The following ASXL3 variants were observed in gnomAD, a reference collection of about 807,000 sequenced individuals.
The protein encoded by ASXL3 is putative Polycomb group protein ASXL3.
Under a neutral mutation model 170.6 loss-of-function variants are expected in ASXL3, and 34 were observed. The ratio of observed to expected loss-of-function variants is 0.20; its 90% confidence interval spans 0.15 to 0.27. The LOEUF (loss-of-function observed/expected upper bound fraction) is 0.27, where lower values mean the gene tolerates loss of function less well. Among genes scored for constraint, ASXL3 ranks in the 10% least tolerant of loss-of-function variants. ASXL3 has a pLI of 1.00. For missense variants in ASXL3, 2,592 were observed against 2,695.3 expected, an observed-to-expected ratio of 0.96 and a Z score of 0.85; for synonymous variants, 1,002 against 989.1, an observed-to-expected ratio of 1.01 and a Z score of -0.24.
At chr18:33,639,517 A>T in intron 2 of ASXL3, among the ~76,000 whole-genome samples, 1 of 151,890 alleles carries the variant, frequency 6.6e-6, no homozygotes, top group Middle Eastern at 3.2e-3. Flanking sequence ...TAACCACCTC[A>T]CCTCCTATTT....
chr18:33,648,828 GTAT>G (rs1300759550), intron 4 of ASXL3, among the ~76,000 whole-genome samples: 1 of 152,084 alleles, frequency 6.6e-6, no homozygotes, highest in Non-Finnish European at 1.5e-5. Context: ...TATGAAGAAA[GTAT>G]TTTGGAGGGT....
intron 8 of ASXL3, among the ~76,000 whole-genome samples, chr18:33,706,203 C>G (rs954086977): frequency 5.3e-5 from 8 of 151,064 alleles, no homozygotes; most frequent in African/African-American, 1.9e-4. Context: ...CAAAGGGCTT[C>G]TAAAAACCAA....
chr18:33,704,734 C>T (rs1244418112), intron 8 of ASXL3, among the ~76,000 whole-genome samples: 1 of 151,906 alleles, frequency 6.6e-6, no homozygotes, highest in African/African-American at 2.4e-5. Context: ...TAAGCCTGTA[C>T]AGATTCGTTT....
intron 3 of ASXL3, among the ~76,000 whole-genome samples, chr18:33,645,392 A>G (rs912804135): frequency 6.6e-6 from 1 of 151,884 alleles, no homozygotes; most frequent in African/African-American, 2.4e-5. Flanking sequence ...CTTTTATAAA[A>G]ATAAGACATT....
intron 8 of ASXL3, among the ~76,000 whole-genome samples, chr18:33,713,345 C>CG (rs1555736914): frequency 1.6e-4 from 6 of 37,968 alleles, no homozygotes; most frequent in African/African-American, 3.7e-4. Context: ...ACCTCCACCC[C>CG]CCCCCGGGTT....
intron 8 of ASXL3, among the ~76,000 whole-genome samples, chr18:33,715,528 T>C (rs2067150248): frequency 1.3e-5 from 2 of 152,300 alleles, no homozygotes; most frequent in Admixed American, 6.5e-5. Context: ...GAAGGAAGGG[T>C]GATTTTGCTG....
intron 8 of ASXL3, among the ~76,000 whole-genome samples, chr18:33,708,422 A>G (rs966639194): frequency 2.0e-5 from 3 of 152,208 alleles, no homozygotes; most frequent in African/African-American, 4.8e-5. Context: ...AACACACTCA[A>G]TGGAACCATT....
intron 5 of ASXL3, among the ~76,000 whole-genome samples, chr18:33,664,660 C>G (rs1186559798): frequency 6.6e-6 from 1 of 152,070 alleles, no homozygotes; most frequent in Non-Finnish European, 1.5e-5. Flanking sequence ...CAAAATATGC[C>G]AGGCATAATT....
intron 2 of ASXL3, among the ~76,000 whole-genome samples, chr18:33,638,498 G>A (rs1230156766): frequency 2.0e-5 from 3 of 152,114 alleles, no homozygotes; most frequent in African/African-American, 4.8e-5. Flanking sequence ...TCAGAATTGA[G>A]AATGAAGCAG....
chr18:33,648,503 A>T (rs2065949783), intron 4 of ASXL3, among the ~76,000 whole-genome samples: 1 of 152,098 alleles, frequency 6.6e-6, no homozygotes, highest in South Asian at 2.1e-4. Context: ...GGCGTTGTTG[A>T]TCAGGAGCTC....
chr18:33,590,111 G>GTTTTTTTTTTTTTTTTTTTTTTTTTTTTT lies in ASXL3; in HGVS notation c.54+11445_54+11446insTTTTTTTTTTTTTTTTTTTTTTTTTTTTT, dbSNP rs567969303. 4.1e-4 allele frequency among the ~76,000 whole-genome samples: 34 copies of GTTTTTTTTTTTTTTTTTTTTTTTTTTTTT among 83,172 alleles called. 2 individuals are homozygous for GTTTTTTTTTTTTTTTTTTTTTTTTTTTTT. The highest frequency in any genetic ancestry group is 1.3e-3 in the African/African-American group (19 of 14,542). 54.6% of individuals were successfully genotyped at this position (83,172 alleles called of 152,430 possible). ...TGTCGTCAAGGTATTTGCTTTCTAT[G>GTTTTTTTTTTTTTTTTTTTTTTTTTTTTT]TTTTTTTTTTTTTTTTTTTGCTTTG... On this transcript the variant is annotated intron_variant, in intron 1 of 11. Coordinates refer to ENST00000269197, the MANE Select transcript of ASXL3 (RefSeq NM_030632.3).
rs554834298 is a variant in ASXL3 at position 33,652,603 on chromosome 18, C to CAAAAAAAAAAAAA, written c.355+6251_355+6263dup. ...AGTATTTTAAAAGTTTCTGTTGGGG[C>CAAAAAAAAAAAAA]AAAAAAAAAAAAAGAACATGAATCT... On this transcript the variant is annotated intron_variant, in intron 4 of 11. Coordinates refer to ENST00000269197, the MANE Select transcript of ASXL3 (RefSeq NM_030632.3). Among the ~76,000 whole-genome samples the CAAAAAAAAAAAAA allele has an allele frequency of 1.8e-3, 197 of 112,120 alleles. 3 individuals carry two copies. Among genetic ancestry groups the CAAAAAAAAAAAAA allele is most frequent in the Non-Finnish European group, 2.0e-3 (112 of 56,770 alleles). The allele number at this position is 112,120 out of a possible 152,430, so 73.6% of individuals were successfully genotyped here.
intron 10 of ASXL3, among the ~76,000 whole-genome samples, chr18:33,737,178 C>A (rs142857605): frequency 2.1e-3 from 319 of 152,172 alleles, no homozygotes; most frequent in African/African-American, 7.0e-3. Flanking sequence ...TGTATGAAGG[C>A]AGTATTTTCT....
chr18:33,713,348 C>CT (rs1568343783), intron 8 of ASXL3, among the ~76,000 whole-genome samples: 40 of 143,916 alleles, frequency 2.8e-4, no homozygotes, highest in East Asian at 2.3e-3. Context: ...TCCACCCCCC[C>CT]CCGGGTTCAA....
At chr18:33,662,575 T>C (rs145162234) in intron 5 of ASXL3, among the ~76,000 whole-genome samples, 29 of 152,268 alleles carry the variant, frequency 1.9e-4, no homozygotes, top group African/African-American at 5.8e-4. Context: ...GGAGATGTTA[T>C]GGTTAGATGG....
At chr18:33,718,315 T>C (rs570787246) in intron 8 of ASXL3, among the ~76,000 whole-genome samples, 1 of 152,238 alleles carries the variant, frequency 6.6e-6, no homozygotes, top group Admixed American at 6.5e-5. Flanking sequence ...CATGTACACA[T>C]ATAATTTTGT....
At chr18:33,718,938 ATAT>A (rs1290189001) in intron 8 of ASXL3, among the ~76,000 whole-genome samples, 1 of 151,948 alleles carries the variant, frequency 6.6e-6, no homozygotes, top group Non-Finnish European at 1.5e-5. Context: ...CAAATAATAA[ATAT>A]TATATCTCAG....
In ASXL3 at chr18:33,679,011, T is replaced by C. The variant is rs552580260; in HGVS notation, c.716-4394T>C. Among the ~76,000 whole-genome samples the C allele has an allele frequency of 3.3e-5, 5 of 152,334 alleles. No individual in the cohort carries two copies. In the South Asian group the frequency reaches 1.0e-3, roughly 32 times the overall value. ...TGATATTCTTAAACATTTTGAACCA[T>C]GCTAAATAATAGCAGTGTAAGTTCC... is the stretch of plus-strand genomic sequence containing the variant. On this transcript the variant is annotated intron_variant, in intron 7 of 11. Transcript: ENST00000269197.
At position 33,683,413 on chromosome 18, in the gene ASXL3, A is replaced by G; in HGVS notation, c.724A>G (p.Lys242Glu). 1 of 1,611,704 alleles carries G rather than the reference A, an allele frequency of 6.2e-7. No individual in the cohort carries two copies. Residue 242 changes from lysine to glutamate, a missense_variant, in exon 8 of 12, where the codon AAA becomes GAA. Transcript: ENST00000269197. Reference protein sequence around the residue: ...RLKKSGLGHLKWTKAEDIDIE... With the variant: ...RLKKSGLGHLEWTKAEDIDIE... ...TTGCTTGTTCATCACAGGGCACTTG[A>G]AATGGACCAAAGCTGAGGACATTGA...
Sources: allele counts gnomAD v4.1 joint callset (sites outside exome capture counted in the v4.1 genomes callset), GRCh38; gene constraint gnomAD v4.1.1; transcripts MANE v1.5; gene names NCBI Gene and HGNC (gene_info 2026-07-23, HGNC 2026-07-21).